Variants in LINGO1 observed in about 807,000 individuals in gnomAD.
LINGO1 encodes leucine-rich repeat and immunoglobulin-like domain-containing nogo receptor-interacting protein 1.
A neutral mutation model predicts 37.3 loss-of-function variants in LINGO1; 11 were observed. That is an observed-to-expected ratio of 0.29 (90% CI 0.19 to 0.49). The LOEUF is 0.49. Ranked by LOEUF, LINGO1 falls within the 20% of genes least tolerant of loss-of-function variation. LINGO1 has a pLI of 0.99. For synonymous variants in LINGO1, 387 were observed against 403.0 expected, an observed-to-expected ratio of 0.96 and a Z score of 0.48; for missense variants, 585 against 878.2, an observed-to-expected ratio of 0.67 and a Z score of 4.22.
At chr15:77,741,549 CAGGGCCTGGCCACCCAGG>C (rs1004281126) in intron 1 of LINGO1, among the ~76,000 whole-genome samples, 1 of 152,164 alleles carries the variant, frequency 6.6e-6, no homozygotes, top group Non-Finnish European at 1.5e-5. Flanking sequence ...GCCCTGGAAA[CAGGGCCTGGCCACCCAGG>C]AGGGGCAGGC....
chr15:77,635,110 GC>G (rs917234575), upstream of LINGO1, among the ~76,000 whole-genome samples: 3 of 152,172 alleles, frequency 2.0e-5, no homozygotes, highest in Admixed American at 6.5e-5. Context: ...GTATTTTGGT[GC>G]CCACAATGAT....
chr15:77,746,767 C>T (rs1452429995), intron 1 of LINGO1, among the ~76,000 whole-genome samples: 3 of 152,290 alleles, frequency 2.0e-5, no homozygotes, highest in African/African-American at 7.2e-5. Context: ...GCCAGGTGAA[C>T]TGGGGGGTGT....
chr15:77,637,488 T>G (rs2074418806), upstream of LINGO1, among the ~76,000 whole-genome samples: 1 of 152,188 alleles, frequency 6.6e-6, no homozygotes, highest in South Asian at 2.1e-4. The surrounding 1 kb of genome is among the most constrained non-coding windows in gnomAD (Gnocchi z 4.6). Context: ...GGCGGGGCTG[T>G]ATGTCCCTGG....
At chr15:77,656,139 A>C (rs1015723364) in intron 3 of LINGO1, among the ~76,000 whole-genome samples, 1 of 152,172 alleles carries the variant, frequency 6.6e-6, no homozygotes, top group African/African-American at 2.4e-5. Flanking sequence ...GTTGACTTGA[A>C]TCTCAGGCAG....
At chr15:77,656,744 T>TC (rs2074875316) in intron 3 of LINGO1, among the ~76,000 whole-genome samples, 1 of 152,162 alleles carries the variant, frequency 6.6e-6, no homozygotes, top group Non-Finnish European at 1.5e-5. Flanking sequence ...ACCCTCTGCC[T>TC]CCCCCGTCCC....
chr15:77,654,515 C>A (rs1055793100), intron 3 of LINGO1, among the ~76,000 whole-genome samples: 6 of 152,050 alleles, frequency 3.9e-5, no homozygotes, highest in African/African-American at 1.4e-4. Flanking sequence ...GGGATTGGGG[C>A]TGGGGTCTCA....
intron 2 of LINGO1, among the ~76,000 whole-genome samples, chr15:77,679,059 C>A (rs1319808875): frequency 6.6e-6 from 1 of 152,100 alleles, no homozygotes; most frequent in Non-Finnish European, 1.5e-5. Context: ...CACCACCACA[C>A]CCAGCTAATT....
chr15:77,635,472 CGGGTG>C (rs1431124227), upstream of LINGO1, among the ~76,000 whole-genome samples: 1 of 152,086 alleles, frequency 6.6e-6, no homozygotes, highest in East Asian at 1.9e-4. Context: ...CCTCTCCTGT[CGGGTG>C]GGGTGGTTCC....
intron 1 of LINGO1, among the ~76,000 whole-genome samples, chr15:77,808,316 C>T (rs1194395448): frequency 6.6e-6 from 1 of 152,272 alleles, no homozygotes; most frequent in African/African-American, 2.4e-5. Flanking sequence ...CGGTCAGTTT[C>T]GCCGCAAGGC....
At chr15:77,661,704 C>T (rs1403294239) in intron 3 of LINGO1, among the ~76,000 whole-genome samples, 1 of 152,230 alleles carries the variant, frequency 6.6e-6, no homozygotes, top group Non-Finnish European at 1.5e-5. Context: ...CCTCTTTCCC[C>T]TACTGATCGC....
At chr15:77,664,170 T>TGCGCGCGC (rs143405934) in intron 3 of LINGO1, among the ~76,000 whole-genome samples, 99 of 130,994 alleles carry the variant, frequency 7.6e-4, no homozygotes, top group African/African-American at 3.6e-3. Context: ...TGTGTGTGTG[T>TGCGCGCGC]GCGCGCGCGC....
At chr15:77,744,694 A>G (rs2076296054) in intron 1 of LINGO1, among the ~76,000 whole-genome samples, 1 of 152,226 alleles carries the variant, frequency 6.6e-6, no homozygotes, top group South Asian at 2.1e-4. Context: ...AGAGGAGGCA[A>G]TCAAAACACA....
chr15:77,698,821 C>T (rs373662287), upstream of LINGO1, among the ~76,000 whole-genome samples: 4 of 152,220 alleles, frequency 2.6e-5, no homozygotes, highest in East Asian at 1.9e-4. Context: ...GCAGGAGGAT[C>T]GGGAGCAGGG....
intron 2 of LINGO1, among the ~76,000 whole-genome samples, chr15:77,730,832 C>T (rs1037386235): frequency 6.6e-6 from 1 of 152,352 alleles, no homozygotes; most frequent in East Asian, 1.9e-4. Context: ...CTCCCTCAGG[C>T]CTGGCCACAG....
At chr15:77,743,790 G>A (rs28692559) in intron 1 of LINGO1, among the ~76,000 whole-genome samples, 5,805 of 151,662 alleles carry the variant, frequency 0.038, 349 homozygotes, top group African/African-American at 0.13. Context: ...CAAAAGGGCT[G>A]AAGGGGGTGC....
chr15:77,811,960 T>A (rs67378589), intron 1 of LINGO1, among the ~76,000 whole-genome samples: 3,971 of 125,666 alleles, frequency 0.032, 178 homozygotes, highest in African/African-American at 0.11. Context: ...AAAAAAAAAA[T>A]AGCACAGTCA....
At chr15:77,780,747 A>T (rs1770814156) in intron 1 of LINGO1, among the ~76,000 whole-genome samples, 1 of 152,018 alleles carries the variant, frequency 6.6e-6, no homozygotes, top group Non-Finnish European at 1.5e-5. Flanking sequence ...TTATAAGAAG[A>T]GGTACCACAT....
rs2076570376 is a variant in LINGO1 at position 77,770,213 on chromosome 15, G to C, written c.-257+16656C>G. Among the ~76,000 whole-genome samples the C allele has an allele frequency of 2.0e-5, 3 of 152,244 alleles. No individual in the cohort carries two copies. The South Asian group carries it at 6.2e-4, about 32-fold the overall frequency. ...AAGGAGAGACCATACTAAGTACTAG[G>C]CACTGGGTGGGGCTCTACTGACTGG... On this transcript the variant is annotated intron_variant, in intron 1 of 3. Coordinates refer to the LINGO1 transcript ENST00000561686.
chr15:77,736,557 G>T (rs567386723), intron 1 of LINGO1, among the ~76,000 whole-genome samples: 1 of 152,164 alleles, frequency 6.6e-6, no homozygotes. Context: ...GAGCCCAGGA[G>T]TTCAAGACCA....
Sources: allele counts gnomAD v4.1 joint callset (sites outside exome capture counted in the v4.1 genomes callset), GRCh38; gene constraint gnomAD v4.1.1; non-coding constraint Gnocchi (gnomAD v3.1); transcripts MANE v1.5; gene names NCBI Gene and HGNC (gene_info 2026-07-23, HGNC 2026-07-21).